CADPS2: variants seen among roughly 807,000 people sequenced by gnomAD.
CADPS2 encodes the protein calcium dependent secretion activator 2.
Under a neutral mutation model 172.5 loss-of-function variants are expected in CADPS2, and 93 were observed. That is an observed-to-expected ratio of 0.54 (90% CI 0.46 to 0.64). The LOEUF is 0.64. CADPS2 is among the 30% of genes least tolerant of loss of function. The pLI, the probability that CADPS2 is intolerant of heterozygous loss-of-function variation, is 0.00. For synonymous variants in CADPS2, 546 were observed against 555.2 expected, an observed-to-expected ratio of 0.98 and a Z score of 0.23; for missense variants, 1,420 against 1,565.9, an observed-to-expected ratio of 0.91 and a Z score of 1.57.
chr7:122,664,778 A>G (rs1283299634), intron 2 of CADPS2, among the ~76,000 whole-genome samples: 2 of 151,918 alleles, frequency 1.3e-5, no homozygotes. Context: ...ACAAAAATTC[A>G]AGTCAACTTT....
chr7:122,773,479 A>C (rs2093767849), intron 1 of CADPS2, among the ~76,000 whole-genome samples: 1 of 152,070 alleles, frequency 6.6e-6, no homozygotes, highest in African/African-American at 2.4e-5. Context: ...CCTTCGGAAA[A>C]GATAGAAAAG....
At chr7:122,541,825 ATATAT>A (rs2063081852) in intron 8 of CADPS2, among the ~76,000 whole-genome samples, 1 of 117,292 alleles carries the variant, frequency 8.5e-6, no homozygotes, top group African/African-American at 3.2e-5. Flanking sequence ...TCATATGTTT[ATATAT>A]TCATATGTTT....
intron 1 of CADPS2, among the ~76,000 whole-genome samples, chr7:122,797,097 A>T (rs1796542123): frequency 6.6e-6 from 1 of 152,116 alleles, no homozygotes; most frequent in Non-Finnish European, 1.5e-5. Context: ...AATCATATGA[A>T]AAAAAAAGCT....
intron 1 of CADPS2, among the ~76,000 whole-genome samples, chr7:122,773,743 C>T (rs1235102483): frequency 6.6e-6 from 1 of 152,080 alleles, no homozygotes; most frequent in African/African-American, 2.4e-5. Context: ...TTAAAACCTT[C>T]TTTTCTACTT....
intron 28 of CADPS2, among the ~76,000 whole-genome samples, chr7:122,337,758 G>GAAAA (rs372572074): frequency 3.0e-5 from 4 of 134,472 alleles, no homozygotes; most frequent in Non-Finnish European, 6.2e-5. Context: ...AAACTTTAAG[G>GAAAA]AAAAAAAAAA....
At chr7:122,542,858 G>A (rs10244106) in intron 8 of CADPS2, among the ~76,000 whole-genome samples, 92,085 of 151,686 alleles carry the variant, frequency 0.61, 28,423 homozygotes, top group African/African-American at 0.73. Context: ...TGCATTCCAT[G>A]TTTAATAAAC....
At chr7:122,645,240 T>TATAC (rs1554687204) in intron 3 of CADPS2, among the ~76,000 whole-genome samples, 3 of 3,450 alleles carry the variant, frequency 8.7e-4, no homozygotes, top group Admixed American at 2.9e-3. Context: ...AGTATATATA[T>TATAC]ACACACATGT....
chr7:122,591,607 C>G (rs1414560373), intron 6 of CADPS2, among the ~76,000 whole-genome samples: 25 of 152,134 alleles, frequency 1.6e-4, no homozygotes, highest in Admixed American at 1.6e-3. Context: ...CTACAGTAAC[C>G]AAAACAGCAT....
intron 2 of CADPS2, among the ~76,000 whole-genome samples, chr7:122,732,548 T>C (rs1303074537): frequency 1.3e-5 from 2 of 149,424 alleles, no homozygotes; most frequent in African/African-American, 4.9e-5. Context: ...GGATTGTTCA[T>C]ATATATATTG....
rs1019062263 is a variant in CADPS2 at position 122,455,523 on chromosome 7, T to C, written c.2187-4048A>G. ...GTTTGCTTCCTTTGTAATGTATCTC[T>C]AGTGCTAGAACACCAGATGGCATAT... On this transcript the variant is annotated intron_variant, in intron 14 of 29. Coordinates refer to ENST00000449022, the MANE Select transcript of CADPS2 (RefSeq NM_017954.11). Among the ~76,000 whole-genome samples the C allele has an allele frequency of 2.6e-5, 4 of 152,174 alleles. No individual in the cohort carries two copies. The South Asian group carries it at 8.3e-4, about 32-fold the overall frequency.
intron 2 of CADPS2, among the ~76,000 whole-genome samples, chr7:122,691,219 T>C (rs1360415622): frequency 6.6e-6 from 1 of 152,086 alleles, no homozygotes; most frequent in Admixed American, 6.5e-5. Flanking sequence ...GCCACACTCT[T>C]ATGAGCCTGA....
intron 8 of CADPS2, among the ~76,000 whole-genome samples, chr7:122,521,121 G>T (rs2060752673): frequency 6.6e-6 from 1 of 152,112 alleles, no homozygotes; most frequent in African/African-American, 2.4e-5. Flanking sequence ...CCTGGAAAGG[G>T]CTTTCATAAG....
intron 2 of CADPS2, among the ~76,000 whole-genome samples, chr7:122,680,641 G>GA (rs1157487598): frequency 6.6e-6 from 1 of 152,236 alleles, no homozygotes; most frequent in Non-Finnish European, 1.5e-5. Context: ...TTGAGTCTGA[G>GA]AGGTGGAGGT....
At position 122,451,432 on chromosome 7, in the gene CADPS2, A is replaced by G. The variant is rs2152038927; in HGVS notation, c.2230T>C (p.Phe744Leu). The G allele has an allele frequency of 6.3e-7, 1 of 1,587,074 alleles. No individual in the cohort carries two copies. Among genetic ancestry groups the G allele is most frequent in the South Asian group, 1.2e-5 (1 of 84,992 alleles). The part of the protein sequence containing the change: ...GTVSVEEKER[F>L]EEIKERLSSL... The stretch of plus-strand genomic sequence containing the variant: ...GAGAGTCTCTCTTTTATCTCCTCAA[A>G]TCTTTCTTTTTCTTCCACTGAAACA... Residue 744 changes from phenylalanine (F) to leucine (L), a missense_variant, in exon 15 of 30, where the codon TTT (phenylalanine) becomes CTT (leucine). By Grantham distance (22) the Phe-to-Leu change is conservative. Coordinates refer to ENST00000449022, the MANE Select transcript of CADPS2 (RefSeq NM_017954.11).
At chr7:122,332,895 T>C (rs1245690407) in intron 28 of CADPS2, among the ~76,000 whole-genome samples, 1 of 152,206 alleles carries the variant, frequency 6.6e-6, no homozygotes, top group East Asian at 1.9e-4. Context: ...TATTATCAAA[T>C]AAGCAAGTGC....
chr7:122,585,812 C>T (rs1351737264), intron 6 of CADPS2: 1 of 151,842 alleles, frequency 6.6e-6, no homozygotes, highest in African/African-American at 2.4e-5. Context: ...AATTCATATA[C>T]CAACTGAAAT....
chr7:122,666,112 T>C (rs1439857632), intron 2 of CADPS2, among the ~76,000 whole-genome samples: 4 of 152,324 alleles, frequency 2.6e-5, no homozygotes, highest in East Asian at 1.9e-4. Context: ...AGTATTTATA[T>C]GCAATTTAAA....
At chr7:122,800,955 G>A (rs576832857) in intron 1 of CADPS2, among the ~76,000 whole-genome samples, 2 of 145,122 alleles carry the variant, frequency 1.4e-5, no homozygotes, top group East Asian at 4.0e-4. Context: ...TTGTGCCACT[G>A]TACTCCAGCC....
At chr7:122,846,457 C>T (rs1299430923) in intron 1 of CADPS2, among the ~76,000 whole-genome samples, 1 of 152,114 alleles carries the variant, frequency 6.6e-6, no homozygotes, top group African/African-American at 2.4e-5. Context: ...TGGTGTTACA[C>T]AGGCAAACTA....
Sources: allele counts gnomAD v4.1 joint callset (sites outside exome capture counted in the v4.1 genomes callset), GRCh38; gene constraint gnomAD v4.1.1; transcripts MANE v1.5; gene names NCBI Gene and HGNC (gene_info 2026-07-23, HGNC 2026-07-21).